Variants in PGPEP1L observed in about 807,000 individuals in gnomAD.
PGPEP1L encodes pyroglutamyl-peptidase 1-like protein.
Under a neutral mutation model 6.0 loss-of-function variants are expected in PGPEP1L, and 7 were observed. The ratio of observed to expected loss-of-function variants is 1.17; its 90% CI spans 0.66 to 2.19. The LOEUF (loss-of-function observed/expected upper bound fraction) is 2.19, where lower values mean the gene tolerates loss of function less well. PGPEP1L is among the 30% of genes most tolerant of loss of function. The pLI is 0.00. For missense variants in PGPEP1L, 209 were observed against 192.5 expected (o/e 1.09, Z -0.51); for synonymous variants, 103 against 83.9 (o/e 1.23, Z -1.24).
At chr15:98,975,523 T>C (rs1278835990) in intron 2 of PGPEP1L, among the ~76,000 whole-genome samples, 5 of 152,214 alleles carry the variant, frequency 3.3e-5, no homozygotes, top group East Asian at 3.8e-4. Flanking sequence ...ATATCCTAAT[T>C]ACCCTGATTT....
intron 2 of PGPEP1L, among the ~76,000 whole-genome samples, chr15:98,985,112 G>T (rs972854644): frequency 6.6e-6 from 1 of 152,176 alleles, no homozygotes; most frequent in Non-Finnish European, 1.5e-5. Flanking sequence ...AGCTTGAGGA[G>T]GGGCAAATAT....
intron 2 of PGPEP1L, among the ~76,000 whole-genome samples, chr15:99,005,083 C>T (rs1239394807): frequency 2.0e-5 from 3 of 152,098 alleles, no homozygotes; most frequent in Non-Finnish European, 4.4e-5. Context: ...GGATACCTCA[C>T]GTGCCTCGGG....
At chr15:98,985,533 A>C (rs1285189537) in intron 2 of PGPEP1L, among the ~76,000 whole-genome samples, 1 of 152,210 alleles carries the variant, frequency 6.6e-6, no homozygotes, top group East Asian at 1.9e-4. Context: ...ACAAGACTCC[A>C]TCTCAAAACA....
At chr15:98,989,646 C>G (rs972776040) in intron 2 of PGPEP1L, among the ~76,000 whole-genome samples, 1 of 152,150 alleles carries the variant, frequency 6.6e-6, no homozygotes, top group African/African-American at 2.4e-5. Flanking sequence ...CAAAGATACT[C>G]CTTGAGAAGA....
intron 2 of PGPEP1L, among the ~76,000 whole-genome samples, chr15:99,002,695 T>C (rs1555473192): frequency 6.6e-6 from 1 of 152,202 alleles, no homozygotes; most frequent in African/African-American, 2.4e-5. Context: ...TGTGGGAGAC[T>C]AGCCAGTGCC....
At chr15:99,006,706 T>A (rs1273984323) in intron 1 of PGPEP1L, among the ~76,000 whole-genome samples, 1 of 152,222 alleles carries the variant, frequency 6.6e-6, no homozygotes, top group African/African-American at 2.4e-5. Context: ...TCCTGGCTTC[T>A]CAGGGAGGCT....
At chr15:98,985,195 C>T (rs150050801) in intron 2 of PGPEP1L, among the ~76,000 whole-genome samples, 23 of 152,278 alleles carry the variant, frequency 1.5e-4, no homozygotes, top group African/African-American at 5.3e-4. Context: ...ATCCTCACTT[C>T]GCTCACCCTC....
chr15:98,993,836 G>GAA (rs58824142), intron 2 of PGPEP1L, among the ~76,000 whole-genome samples: 1,658 of 150,398 alleles, frequency 0.011, 11 homozygotes, highest in Middle Eastern at 0.017. Flanking sequence ...ACAATTACAT[G>GAA]AAAAAAAAAG....
chr15:98,993,471 A>C (rs1555472243), intron 2 of PGPEP1L, among the ~76,000 whole-genome samples: 2 of 152,238 alleles, frequency 1.3e-5, no homozygotes, highest in Admixed American at 6.5e-5. Context: ...GGATTTGGAG[A>C]AATAGGAATA....
chr15:98,995,134 T>C (rs1286497005), intron 2 of PGPEP1L, among the ~76,000 whole-genome samples: 2 of 152,226 alleles, frequency 1.3e-5, no homozygotes, highest in African/African-American at 4.8e-5. Context: ...ATTGCTTCTG[T>C]TCCATTCTCA....
At chr15:98,996,511 T>C (rs924296175) in intron 2 of PGPEP1L, among the ~76,000 whole-genome samples, 2 of 95,890 alleles carry the variant, frequency 2.1e-5, no homozygotes, top group Non-Finnish European at 4.2e-5. Context: ...TACATGCATG[T>C]GTATATAGGG....
chr15:98,997,360 G>A (rs1430983420), intron 2 of PGPEP1L, among the ~76,000 whole-genome samples: 3 of 152,216 alleles, frequency 2.0e-5, no homozygotes, highest in African/African-American at 7.2e-5. Flanking sequence ...CATGGTGCAA[G>A]GGGTTTTGCT....
intron 2 of PGPEP1L, among the ~76,000 whole-genome samples, chr15:98,989,932 G>A (rs555033687): frequency 2.4e-4 from 36 of 152,292 alleles, no homozygotes. Context: ...AGCAAGTGCT[G>A]AGAGATTCTG....
intron 2 of PGPEP1L, among the ~76,000 whole-genome samples, chr15:99,002,273 G>A (rs946065807): frequency 7.9e-5 from 12 of 152,168 alleles, no homozygotes; most frequent in African/African-American, 2.9e-4. Context: ...TGGGATTACA[G>A]GTGTGAGTCA....
chr15:98,970,363 G>A (rs2017475865), intron 3 of PGPEP1L, among the ~76,000 whole-genome samples: 1 of 152,140 alleles, frequency 6.6e-6, no homozygotes, highest in Non-Finnish European at 1.5e-5. Context: ...TTTTTTAAAT[G>A]AAACTTTAAT....
intron 2 of PGPEP1L, among the ~76,000 whole-genome samples, chr15:98,986,049 C>A (rs375419298): frequency 6.6e-6 from 1 of 152,208 alleles, no homozygotes; most frequent in Non-Finnish European, 1.5e-5. Flanking sequence ...TTCTTAGAAT[C>A]TGCTTTGTGT....
intron 3 of PGPEP1L, among the ~76,000 whole-genome samples, chr15:98,970,471 A>C (rs994855924): frequency 6.6e-6 from 1 of 152,070 alleles, no homozygotes; most frequent in Non-Finnish European, 1.5e-5. Flanking sequence ...ATGTTATCAA[A>C]ACATCTGGGG....
chr15:98,994,472 G>T (rs1196237651), intron 2 of PGPEP1L, among the ~76,000 whole-genome samples: 2 of 151,480 alleles, frequency 1.3e-5, no homozygotes, highest in Non-Finnish European at 2.9e-5. Context: ...TGGGCAACAT[G>T]GCAAAACCTT....
intron 2 of PGPEP1L, among the ~76,000 whole-genome samples, chr15:98,999,518 T>A (rs546803598): frequency 6.6e-6 from 1 of 152,272 alleles, no homozygotes; most frequent in Non-Finnish European, 1.5e-5. Flanking sequence ...CGGGAAATAG[T>A]TTGACAATTT....
Sources: allele counts gnomAD v4.1 joint callset (sites outside exome capture counted in the v4.1 genomes callset), GRCh38; gene constraint gnomAD v4.1.1; transcripts MANE v1.5; gene names NCBI Gene and HGNC (gene_info 2026-07-23, HGNC 2026-07-21).